Variants in SLC35D2 observed in about 807,000 individuals in gnomAD.
The protein encoded by SLC35D2 is solute carrier family 35 member D2.
SLC35D2 carries 43 observed loss-of-function variants against 41.8 expected under a neutral mutation model. That is an observed-to-expected ratio of 1.03 (90% confidence interval 0.81 to 1.33). The LOEUF (loss-of-function observed/expected upper bound fraction) is 1.33. Ranked by LOEUF, SLC35D2 falls within the 40% of genes most tolerant of loss-of-function variation. The probability of loss-of-function intolerance (pLI) is 0.00; values close to 1 mark genes in which losing one functional copy is unlikely to be tolerated. For missense variants in SLC35D2, 380 were observed against 408.4 expected (o/e 0.93, Z 0.60); for synonymous variants, 150 against 163.9 (o/e 0.92, Z 0.65).
intron 3 of SLC35D2, 130 bp downstream of exon 3, chr9:96,364,334 C>G (rs1830396486): frequency 3.3e-6 from 2 of 611,664 alleles, no homozygotes; most frequent in South Asian, 3.9e-5. Flanking sequence ...CAGTCCATCT[C>G]AAACAAAAAA....
chr9:96,348,897 A>G (rs945340815), intron 6 of SLC35D2, among the ~76,000 whole-genome samples: 7 of 152,212 alleles, frequency 4.6e-5, no homozygotes, highest in Non-Finnish European at 1.0e-4. Flanking sequence ...GCCATTCCTC[A>G]CCAAAGACTT....
chr9:96,361,243 T>C (rs1830263397), intron 3 of SLC35D2, among the ~76,000 whole-genome samples: 1 of 152,208 alleles, frequency 6.6e-6, no homozygotes, highest in African/African-American at 2.4e-5. Context: ...TGCACTGTTA[T>C]GAAATGAATC....
At chr9:96,382,730 C>G (rs915578512) in intron 1 of SLC35D2, among the ~76,000 whole-genome samples, 1 of 152,084 alleles carries the variant, frequency 6.6e-6, no homozygotes, top group Non-Finnish European at 1.5e-5. Flanking sequence ...ATTCTTGTAA[C>G]ATAGTAGAGT....
intron 8 of SLC35D2, among the ~76,000 whole-genome samples, chr9:96,338,579 G>A (rs977371202): frequency 6.7e-6 from 1 of 149,512 alleles, no homozygotes; most frequent in Non-Finnish European, 1.5e-5. Flanking sequence ...AAAAATACAC[G>A]TTAAATGTTC....
Position 96,324,796 on chromosome 9 carries a change from C to T in SLC35D2, c.753-627G>A, listed in dbSNP as rs1828440590. ...TCTTGAACTCCTGAGCTCAGGCAAT[C>T]CACCCGCCTTGGCCTCCCAAAGTGC... On this transcript the variant is annotated intron_variant, in intron 9 of 11. Transcript: ENST00000253270. Among the ~76,000 whole-genome samples the T allele has an allele frequency of 3.3e-5, 5 of 151,988 alleles. No individual in the cohort carries two copies. In the South Asian group the frequency reaches 6.2e-4, roughly 19 times the overall value.
At chr9:96,367,376 AT>A (rs1313721143) in intron 2 of SLC35D2, among the ~76,000 whole-genome samples, 7 of 152,192 alleles carry the variant, frequency 4.6e-5, no homozygotes, top group Non-Finnish European at 8.8e-5. Flanking sequence ...AACAAAAAAC[AT>A]TGGTATCTGT....
rs571626252 is a variant in SLC35D2, at chr9:96,378,234, G to A, written c.158+5243C>T. On this transcript the variant is annotated intron_variant, in intron 1 of 11. Transcript: ENST00000253270. The stretch of plus-strand genomic sequence containing the variant: ...GGACCACTTGAGCCCAAGAGTTCGA[G>A]ACCAGCCTGAGCAACATACTGAGAC... 2.7e-5 allele frequency among the ~76,000 whole-genome samples: 4 copies of A among 149,784 alleles called. No homozygotes were observed. The South Asian group carries it at 8.5e-4, about 32-fold the overall frequency.
intron 9 of SLC35D2, among the ~76,000 whole-genome samples, chr9:96,335,791 C>T (rs111818014): frequency 2.0e-5 from 3 of 152,036 alleles, no homozygotes; most frequent in East Asian, 1.9e-4. Context: ...CGGTGGCTCA[C>T]GCCTGTAATC....
At chr9:96,342,602 A>G (rs1024901527) in intron 8 of SLC35D2, among the ~76,000 whole-genome samples, 1 of 152,226 alleles carries the variant, frequency 6.6e-6, no homozygotes, top group Non-Finnish European at 1.5e-5. Flanking sequence ...AGGGAGGCTC[A>G]GGTTCACAAC....
At chr9:96,334,986 T>G (rs1828985670) in intron 9 of SLC35D2, among the ~76,000 whole-genome samples, 1 of 152,204 alleles carries the variant, frequency 6.6e-6, no homozygotes, top group South Asian at 2.1e-4. Context: ...AGAGAACTAA[T>G]GAATGGAAGA....
At chr9:96,350,217 C>T (rs1160499426) in intron 6 of SLC35D2, among the ~76,000 whole-genome samples, 1 of 152,082 alleles carries the variant, frequency 6.6e-6, no homozygotes, top group East Asian at 1.9e-4. Context: ...TTTGCTCAGG[C>T]TAGAATGCAG....
Position 96,364,564 on chromosome 9 carries a change from G to C in SLC35D2, c.193-14C>G. ...GGTGGCTGCCATCTGAAGAAAAGGG[G>C]AGAGAGAAACTTCAGCAAAATATCT... On this transcript the variant is annotated splice_polypyrimidine_tract_variant and intron_variant, in intron 2 of 11. Transcript: ENST00000253270. 1.3e-6 allele frequency: 2 copies of C among 1,532,866 alleles called. No individual in the cohort carries two copies. The highest frequency in any genetic ancestry group is 1.7e-4 in the Middle Eastern group (1 of 5,908). 95.0% of individuals were successfully genotyped at this position (1,532,866 alleles called of 1,614,324 possible).
At chr9:96,361,612 G>C (rs1344910890) in intron 3 of SLC35D2, among the ~76,000 whole-genome samples, 2 of 152,024 alleles carry the variant, frequency 1.3e-5, no homozygotes, top group African/African-American at 4.8e-5. Context: ...TTGGACCCAT[G>C]AGTTCGAAGC....
chr9:96,331,351 CCAGA>C (rs1194128608), intron 9 of SLC35D2, among the ~76,000 whole-genome samples: 1 of 152,168 alleles, frequency 6.6e-6, no homozygotes, highest in Non-Finnish European at 1.5e-5. Context: ...TTGCTGAAAG[CCAGA>C]CAAATGAATA....
At chr9:96,339,214 G>A (rs1231770143) in intron 8 of SLC35D2, among the ~76,000 whole-genome samples, 4 of 152,016 alleles carry the variant, frequency 2.6e-5, no homozygotes, top group African/African-American at 4.8e-5. Flanking sequence ...GGGTTCAAGC[G>A]ATTCTCCTGC....
intron 9 of SLC35D2, among the ~76,000 whole-genome samples, chr9:96,326,375 G>A (rs757182884): frequency 2.0e-5 from 3 of 151,972 alleles, no homozygotes; most frequent in Admixed American, 6.6e-5. Flanking sequence ...ATTGTTTAGG[G>A]GATTTTAATC....
chr9:96,343,031 G>T (rs1046506992), intron 8 of SLC35D2, among the ~76,000 whole-genome samples: 1 of 152,220 alleles, frequency 6.6e-6, no homozygotes, highest in Non-Finnish European at 1.5e-5. Context: ...TGTGGGTGGA[G>T]GTCCCGCTGA....
intron 3 of SLC35D2, 143 bp downstream of exon 3, chr9:96,364,321 C>T (rs948918363): frequency 2.2e-5 from 12 of 553,062 alleles, no homozygotes; most frequent in African/African-American, 5.9e-5. Context: ...GGCGACAGAG[C>T]GACAGTCCAT....
chr9:96,382,589 T>C (rs1173722012), intron 1 of SLC35D2, among the ~76,000 whole-genome samples: 3 of 151,764 alleles, frequency 2.0e-5, no homozygotes, highest in Non-Finnish European at 4.4e-5. Flanking sequence ...TTTCGTATTT[T>C]ATATTCGAGA....
Sources: gnomAD v4.1 joint callset for allele counts (sites outside exome capture counted in the v4.1 genomes callset) on GRCh38, gnomAD v4.1.1 for gene constraint, MANE v1.5 for transcripts, NCBI Gene and HGNC (gene_info 2026-07-23, HGNC 2026-07-21) for gene names.